The following TPO variants were observed in gnomAD, a reference collection of about 807,000 sequenced individuals.
TPO encodes thyroid microsomal antigen.
TPO carries 78 observed loss-of-function variants against 96.9 expected under a neutral mutation model. That is an observed-to-expected ratio of 0.81 (90% CI 0.67 to 0.97). The LOEUF is 0.97. Ranked by LOEUF, TPO falls within the 50% of genes least tolerant of loss-of-function variation. The pLI is 0.00. For missense variants in TPO, 1,252 were observed against 1,274.8 expected (o/e 0.98, Z 0.27); for synonymous variants, 547 against 538.0 (o/e 1.02, Z -0.23).
At chr2:1,431,744 G>C (rs1002130811) in intron 3 of TPO, among the ~76,000 whole-genome samples, 3 of 152,176 alleles carry the variant, frequency 2.0e-5, no homozygotes, top group Admixed American at 1.3e-4. Flanking sequence ...TTTTCACTCA[G>C]TAAGCACTAT....
intron 1 of TPO, among the ~76,000 whole-genome samples, chr2:1,382,394 C>T (rs1428451198): frequency 6.6e-6 from 1 of 152,196 alleles, no homozygotes; most frequent in African/African-American, 2.4e-5. Flanking sequence ...ACTATGGAAG[C>T]AGAGAGAAGG....
At chr2:1,514,947 C>T (rs879221048) in intron 14 of TPO, among the ~76,000 whole-genome samples, 1 of 152,160 alleles carries the variant, frequency 6.6e-6, no homozygotes, top group Non-Finnish European at 1.5e-5. Flanking sequence ...CGGCCCAGGA[C>T]GTGGCTCCTC....
chr2:1,475,703 C>G (rs1022576782), intron 7 of TPO, among the ~76,000 whole-genome samples: 11 of 152,212 alleles, frequency 7.2e-5, no homozygotes, highest in Non-Finnish European at 1.5e-4. Flanking sequence ...GCGCCCACCT[C>G]AGCCTCCCAA....
rs938327 is a variant in TPO at position 1,488,297 on chromosome 2, A to G, written c.1768+306A>G. ...CGCGGGCAGACAATGGCAGGTCTGTATCTGGTATCCCGGGAAGCTCCTGGG... is the reference window on the plus strand; with the variant it reads ...CGCGGGCAGACAATGGCAGGTCTGTGTCTGGTATCCCGGGAAGCTCCTGGG... On this transcript the variant is annotated intron_variant, in intron 10 of 16. Coordinates refer to ENST00000329066, the MANE Select transcript of TPO (RefSeq NM_001206744.2). Among the ~76,000 whole-genome samples, 79,097 of 151,906 alleles carry G rather than the reference A, an allele frequency of 0.52. 21,403 individuals carry two copies. Among genetic ancestry groups the G allele is most frequent in the African/African-American group, 0.67 (27,908 of 41,432 alleles).
Position 1,428,496 on chromosome 2 carries a change from T to G in TPO, c.180-4942T>G, listed in dbSNP as rs1664653960. ...CTGGGGACCTATCCGGGGGATCCAC[T>G]GGGTGATACCCTCCACGTCACTGTC... is the stretch of plus-strand genomic sequence containing the variant. On this transcript the variant is annotated intron_variant, in intron 3 of 16. Coordinates refer to ENST00000329066, the MANE Select transcript of TPO (RefSeq NM_001206744.2). Among the ~76,000 whole-genome samples, 3 of 152,292 alleles carry G rather than the reference T, an allele frequency of 2.0e-5. No individual in the cohort carries two copies. In the South Asian group the frequency reaches 6.2e-4, roughly 32 times the overall value.
At chr2:1,421,219 T>A (rs1280246514) in intron 2 of TPO, among the ~76,000 whole-genome samples, 1 of 152,122 alleles carries the variant, frequency 6.6e-6, no homozygotes, top group Non-Finnish European at 1.5e-5. Context: ...TGCCAGGCCC[T>A]GGACCAAAAG....
intron 2 of TPO, among the ~76,000 whole-genome samples, chr2:1,419,703 T>G (rs766474030): frequency 1.3e-5 from 2 of 152,168 alleles, no homozygotes; most frequent in Non-Finnish European, 2.9e-5. Context: ...AGTCCTTTGC[T>G]TTGGTCTTGC....
At chr2:1,487,798 G>A in intron 9 of TPO, 23 bp from the exon 10 acceptor site, 1 of 1,614,136 alleles carries the variant, frequency 6.2e-7, no homozygotes, top group Non-Finnish European at 8.5e-7. Context: ...AGCTGTCCTT[G>A]CCTTGTGCAT....
Position 1,452,540 on chromosome 2 carries a change from A to G in TPO, c.483-1154A>G, listed in dbSNP as rs71440654. On this transcript the variant is annotated intron_variant, in intron 5 of 16. Transcript: ENST00000329066. ...ACCCTGTGATTATTTTTACCTTTGC[A>G]GATGGAAGGTGCCTAGAAACCTGCT... Among the ~76,000 whole-genome samples the G allele has an allele frequency of 9.1e-3, 1,384 of 152,342 alleles. 11 individuals are homozygous for G. Among genetic ancestry groups the G allele is most frequent in the Non-Finnish European group, 0.012 (804 of 68,018 alleles).
chr2:1,518,226 T>C (rs935529325), intron 15 of TPO, among the ~76,000 whole-genome samples: 1 of 152,224 alleles, frequency 6.6e-6, no homozygotes, highest in Non-Finnish European at 1.5e-5. Context: ...GCAAACTTCA[T>C]TTTTCTAGCA....
At chr2:1,480,216 T>C (rs765873097) in intron 8 of TPO, among the ~76,000 whole-genome samples, 7 of 152,356 alleles carry the variant, frequency 4.6e-5, no homozygotes, top group African/African-American at 7.2e-5. Context: ...ATTCTTTTCT[T>C]CTTGGTTTTA....
At chr2:1,439,929 G>A (rs919359274) in intron 5 of TPO, among the ~76,000 whole-genome samples, 11 of 152,066 alleles carry the variant, frequency 7.2e-5, no homozygotes, top group African/African-American at 2.7e-4. Flanking sequence ...CTTTTGCCTT[G>A]CTCAGCCCTG....
At chr2:1,535,049 C>A (rs1679257835) in intron 15 of TPO, among the ~76,000 whole-genome samples, 1 of 108,966 alleles carries the variant, frequency 9.2e-6, no homozygotes, top group Non-Finnish European at 1.9e-5. Flanking sequence ...CCACTGTGTG[C>A]AACCTCCCCA....
chr2:1,529,168 ACT>A (rs560104853), intron 15 of TPO, among the ~76,000 whole-genome samples: 2 of 25,352 alleles, frequency 7.9e-5, no homozygotes, highest in African/African-American at 4.1e-4. Context: ...GAATCCCCCC[ACT>A]GTGTGCAGCC....
chr2:1,527,726 C>T (rs1319180910), intron 15 of TPO, among the ~76,000 whole-genome samples: 1 of 145,660 alleles, frequency 6.9e-6, no homozygotes, highest in African/African-American at 2.6e-5. Flanking sequence ...CTGTGTGCAA[C>T]CTCACCAAAT....
rs879936687 is a variant in TPO at position 1,512,039 on chromosome 2, CT to C, written c.2519-4832del. 4.8e-3 allele frequency among the ~76,000 whole-genome samples: 710 copies of C among 146,796 alleles called. 4 individuals carry two copies. The highest frequency in any genetic ancestry group is 0.014 in the African/African-American group (548 of 40,548). On this transcript the variant is annotated intron_variant, in intron 14 of 16. Coordinates refer to ENST00000329066, the MANE Select transcript of TPO (RefSeq NM_001206744.2). ...ACATACATTTATCTATTTCCTGCAT[CT>C]TTTTTTTTTTTGAGACGGAGTCTCG... is the stretch of plus-strand genomic sequence containing the variant.
At chr2:1,487,648 C>A (rs28911483) in intron 9 of TPO, among the ~76,000 whole-genome samples, 173 bp from the exon 10 acceptor site, 7,523 of 152,026 alleles carry the variant, frequency 0.049, 242 homozygotes, top group Middle Eastern at 0.13. Context: ...GAGGCAGGAG[C>A]ATGGCGTGAA....
intron 1 of TPO, among the ~76,000 whole-genome samples, chr2:1,384,181 A>G (rs1364052497): frequency 7.2e-5 from 11 of 152,136 alleles, no homozygotes; most frequent in Admixed American, 2.0e-4. Context: ...TTGGCTTAGG[A>G]TTGACCTGGC....
chr2:1,380,311 A>G (rs11897660), intron 1 of TPO, among the ~76,000 whole-genome samples: 10,777 of 150,748 alleles, frequency 0.071, 937 homozygotes, highest in East Asian at 0.3. Flanking sequence ...GGAGAATGGC[A>G]TGAACCCGGG....
Sources: gnomAD v4.1 joint callset for allele counts (sites outside exome capture counted in the v4.1 genomes callset) on GRCh38, gnomAD v4.1.1 for gene constraint, MANE v1.5 for transcripts, NCBI Gene and HGNC (gene_info 2026-07-23, HGNC 2026-07-21) for gene names.